The following TRAK2 variants were observed in gnomAD, a reference collection of about 807,000 sequenced individuals.
TRAK2 encodes the protein trafficking kinesin protein 2.
In TRAK2, 81 loss-of-function variants were observed where a neutral mutation model predicts 104.6. The ratio of observed to expected loss-of-function variants is 0.77; its 90% CI spans 0.65 to 0.93. TRAK2 has a LOEUF of 0.93. Among genes scored for constraint, TRAK2 ranks in the 40% least tolerant of loss-of-function variants. The probability of loss-of-function intolerance (pLI) is 0.00; values close to 1 mark genes in which losing one functional copy is unlikely to be tolerated. For missense variants in TRAK2, 1,002 were observed against 1,089.0 expected (o/e 0.92, Z 1.12); for synonymous variants, 406 against 394.4 (o/e 1.03, Z -0.35).
chr2:201,398,354 C>A lies in TRAK2; in HGVS notation c.481G>T (p.Val161Phe). ...CATAGCTCATGCTGCAGCTGATTAA[C>A]CTGTCCATATAAAATGCTTGATTTT... ...EEQLGQAFDQ[V>F]NQLQHELCKK... Residue 161 changes from valine to phenylalanine, a missense_variant and splice_region_variant, in exon 6 of 16, where the codon GTT becomes TTT. Transcript: ENST00000332624. The A allele has an allele frequency of 6.2e-7, 1 of 1,611,714 alleles. No homozygotes were observed. The highest frequency in any genetic ancestry group is 8.5e-7 in the Non-Finnish European group (1 of 1,178,240).
At chr2:201,392,014 G>C (rs538625579) in intron 10 of TRAK2, among the ~76,000 whole-genome samples, 2 of 152,060 alleles carry the variant, frequency 1.3e-5, no homozygotes, top group East Asian at 1.9e-4. Flanking sequence ...GTTGTAGTGC[G>C]TTTATGTAGG....
intron 2 of TRAK2, among the ~76,000 whole-genome samples, chr2:201,417,565 A>G (rs1187414343): frequency 1.3e-5 from 2 of 152,188 alleles, no homozygotes; most frequent in Non-Finnish European, 2.9e-5. Flanking sequence ...TTTCTCATCC[A>G]ATTTGGAAGA....
intron 1 of TRAK2, among the ~76,000 whole-genome samples, chr2:201,435,431 C>G (rs986680162): frequency 2.6e-5 from 4 of 152,194 alleles, no homozygotes; most frequent in Admixed American, 6.5e-5. Context: ...CTTAAGTGAG[C>G]AATATCTTCT....
Position 201,387,799 on chromosome 2 carries a change from GA to G in TRAK2, c.1599del (p.Leu534SerfsTer77). 6.2e-7 allele frequency: 1 copy of G among 1,614,172 alleles called. No homozygotes were observed. Among genetic ancestry groups the G allele is most frequent in the Non-Finnish European group, 8.5e-7 (1 of 1,179,998 alleles). ...GTGATCTCTGACTGGGTGGTGCAGA[GA>G]GAGGCAAGGCTCTCTGTCGGGGTGA... is the stretch of plus-strand genomic sequence containing the variant. ...GCVTPTESLASLCTTQSEITD... is the reference protein window; with the variant it reads ...GCVTPTESLAXLCTTQSEITD... On this transcript the variant is annotated frameshift_variant, in exon 13 of 16. Coordinates refer to ENST00000332624, the MANE Select transcript of TRAK2 (RefSeq NM_015049.3). LOFTEE classifies it high-confidence loss of function.
intron 2 of TRAK2, among the ~76,000 whole-genome samples, chr2:201,415,142 A>C (rs1227311276): frequency 6.6e-6 from 1 of 152,054 alleles, no homozygotes; most frequent in East Asian, 1.9e-4. Context: ...AAGATAATTA[A>C]ATCAGTGCTA....
chr2:201,447,543 C>G lies in TRAK2; in HGVS notation c.-200+3807G>C, dbSNP rs1434402532. 1.3e-5 allele frequency among the ~76,000 whole-genome samples: 2 copies of G among 152,170 alleles called. No homozygotes were observed. The highest frequency in any genetic ancestry group is 2.9e-5 in the Non-Finnish European group (2 of 68,028). On this transcript the variant is annotated intron_variant, in intron 1 of 15. Transcript: ENST00000332624. This position sits in a 1 kb window ranked among gnomAD's most constrained non-coding sequence, Gnocchi z 4.1. Reference sequence around the variant, plus strand: ...CAGGTTGGTTTCTCCTGAGGCCTCTCTCCTTGGTCTTCTTGATGAATCCTC... The same window carrying G: ...CAGGTTGGTTTCTCCTGAGGCCTCTGTCCTTGGTCTTCTTGATGAATCCTC...
At chr2:201,396,728 G>A (rs1156420395) in intron 7 of TRAK2, among the ~76,000 whole-genome samples, 2 of 152,152 alleles carry the variant, frequency 1.3e-5, no homozygotes, top group African/African-American at 2.4e-5. Flanking sequence ...ACTAAGAGAT[G>A]GTTACTAAGT....
At chr2:201,407,016 G>T (rs1168044306) in intron 3 of TRAK2, among the ~76,000 whole-genome samples, 1 of 152,100 alleles carries the variant, frequency 6.6e-6, no homozygotes, top group South Asian at 2.1e-4. Context: ...GTTTACCAAC[G>T]ATATTAATAA....
intron 2 of TRAK2, chr2:201,411,913 G>A (rs538338626): frequency 1.5e-4 from 153 of 1,039,680 alleles, no homozygotes; most frequent in Middle Eastern, 2.2e-4. Flanking sequence ...TTGGAATGAT[G>A]TTTAGACAGA....
chr2:201,450,285 C>G (rs1952016684), intron 1 of TRAK2, among the ~76,000 whole-genome samples: 1 of 151,880 alleles, frequency 6.6e-6, no homozygotes, highest in Non-Finnish European at 1.5e-5. Context: ...CGTGGTGGTG[C>G]GCGCCTGTAG....
chr2:201,398,138 A>C lies in TRAK2; in HGVS notation c.690+7T>G, dbSNP rs377511491. ...GTAAAGGAAAATGGCAATTAGGTTG[A>C]ACGTACCTTGGATCGAAGAGCCATA... On this transcript the variant is annotated splice_region_variant and intron_variant, in intron 6 of 15. Coordinates refer to ENST00000332624, the MANE Select transcript of TRAK2 (RefSeq NM_015049.3). 1.8e-5 allele frequency: 29 copies of C among 1,612,934 alleles called. No homozygotes were observed. The African/African-American group carries it at 2.5e-4, about 14-fold the overall frequency.
intron 2 of TRAK2, among the ~76,000 whole-genome samples, chr2:201,410,081 AG>A (rs1466718318): frequency 6.6e-6 from 1 of 152,222 alleles, no homozygotes; most frequent in African/African-American, 2.4e-5. Flanking sequence ...GTGGATCACG[AG>A]GTCAGGAGAG....
chr2:201,380,471 A>C lies in TRAK2; in HGVS notation c.*72T>G. On this transcript the variant is annotated 3_prime_UTR_variant, in exon 16 of 16. Transcript: ENST00000332624. ...CATTCCTTTTCTCTCAAGTCAGACC[A>C]GACCACATGTTTCAGTGCATATCTA... 1 of 1,439,508 alleles carries C rather than the reference A, an allele frequency of 6.9e-7. No homozygotes were observed. The highest frequency in any genetic ancestry group is 9.5e-7 in the Non-Finnish European group (1 of 1,047,238). 89.2% of individuals were successfully genotyped at this position (1,439,508 alleles called of 1,614,324 possible).
intron 1 of TRAK2, among the ~76,000 whole-genome samples, chr2:201,437,683 G>A (rs1026539767): frequency 3.9e-5 from 6 of 151,942 alleles, no homozygotes; most frequent in African/African-American, 1.2e-4. Flanking sequence ...CTATTGCTAC[G>A]GCCCTAGTTT....
rs376554496 is a variant in TRAK2 at position 201,420,658 on chromosome 2, G to A, written c.-151C>T. 1.3e-5 allele frequency: 8 copies of A among 623,022 alleles called. No individual in the cohort carries two copies. The highest frequency in any genetic ancestry group is 2.6e-4 in the Middle Eastern group (1 of 3,816). The allele number at this position is 623,022 out of a possible 1,614,324, so 38.6% of individuals were successfully genotyped here. A position where few individuals can be genotyped will look rare whatever the true frequency, so the allele number is the denominator to read the frequency against. On this transcript the variant is annotated 5_prime_UTR_variant, in exon 2 of 16. The change creates a new upstream start codon in the 5' untranslated region. Transcript: ENST00000332624. ...TTCTCTGATGAGTCAAATGACATCCGTAGCAACGAGCACTCTCATGTGATT... is the reference window on the plus strand; with the variant it reads ...TTCTCTGATGAGTCAAATGACATCCATAGCAACGAGCACTCTCATGTGATT...
At chr2:201,428,213 T>C (rs1951807497) in intron 1 of TRAK2, among the ~76,000 whole-genome samples, 1 of 152,250 alleles carries the variant, frequency 6.6e-6, no homozygotes, top group South Asian at 2.1e-4. Flanking sequence ...TTGCCATTGC[T>C]TTTGGTGTTT....
At chr2:201,381,242 G>T in intron 15 of TRAK2, 24 bp from the exon 16 acceptor site, 1 of 1,544,416 alleles carries the variant, frequency 6.5e-7, no homozygotes. Flanking sequence ...AAAAAAAGTG[G>T]GAGACAGTGT....
chr2:201,398,438 T>C (rs533334778), intron 5 of TRAK2, 84 bp from the exon 6 acceptor site: 285 of 1,261,648 alleles, frequency 2.3e-4, no homozygotes, highest in Middle Eastern at 1.2e-3. Flanking sequence ...GGAACAATTA[T>C]TTTTCATCAC....
intron 15 of TRAK2, among the ~76,000 whole-genome samples, chr2:201,381,544 A>T (rs914620137): frequency 3.3e-5 from 5 of 152,242 alleles, no homozygotes; most frequent in African/African-American, 1.2e-4. Flanking sequence ...GTAGAAATAC[A>T]GTTAAATTTT....
Sources: gnomAD v4.1 joint callset for allele counts (sites outside exome capture counted in the v4.1 genomes callset) on GRCh38, gnomAD v4.1.1 for gene constraint, Gnocchi (gnomAD v3.1) non-coding constraint, MANE v1.5 for transcripts, NCBI Gene and HGNC (gene_info 2026-07-23, HGNC 2026-07-21) for gene names.